Variants in CAMK1D observed in about 807,000 individuals in gnomAD.
CAMK1D encodes calcium/calmodulin-dependent protein kinase type 1D.
In CAMK1D, 9 loss-of-function variants were observed where a neutral mutation model predicts 47.7. The observed-to-expected ratio is 0.19, with a 90% CI of 0.11 to 0.33. CAMK1D has a LOEUF of 0.33. CAMK1D is among the 10% of genes least tolerant of loss of function. CAMK1D has a pLI of 1.00. For synonymous variants in CAMK1D, 184 were observed against 184.9 expected (o/e 0.99, Z 0.04); for missense variants, 291 against 488.7 (o/e 0.60, Z 3.81).
chr10:12,473,657 C>G (rs1213096678), intron 1 of CAMK1D, among the ~76,000 whole-genome samples: 2 of 151,998 alleles, frequency 1.3e-5, no homozygotes, highest in South Asian at 4.1e-4. Context: ...GCTGCAAGCC[C>G]GGGGAGTCTA....
intron 3 of CAMK1D, among the ~76,000 whole-genome samples, chr10:12,713,391 T>G (rs1271964573): frequency 6.6e-6 from 1 of 152,166 alleles, no homozygotes; most frequent in East Asian, 1.9e-4. Flanking sequence ...CTGAGGTTGG[T>G]GAAGTGCAGC....
chr10:12,802,664 C>T (rs1036278680), intron 6 of CAMK1D, among the ~76,000 whole-genome samples: 5 of 152,266 alleles, frequency 3.3e-5, no homozygotes, highest in African/African-American at 1.2e-4. Flanking sequence ...GAGATTACAG[C>T]TGTGTGCCAC....
chr10:12,734,550 G>GTA (rs1204512484), intron 3 of CAMK1D, among the ~76,000 whole-genome samples: 3 of 143,612 alleles, frequency 2.1e-5, no homozygotes, highest in Non-Finnish European at 4.5e-5. Flanking sequence ...ATGTATATAT[G>GTA]TATATATATA....
intron 6 of CAMK1D, among the ~76,000 whole-genome samples, chr10:12,799,572 G>A (rs945007996): frequency 1.3e-5 from 2 of 152,172 alleles, no homozygotes; most frequent in Admixed American, 6.5e-5. Context: ...GGTGCTAATC[G>A]CCTCCAGGTT....
intron 2 of CAMK1D, among the ~76,000 whole-genome samples, chr10:12,659,044 A>G (rs1380804600): frequency 6.6e-6 from 1 of 152,194 alleles, no homozygotes; most frequent in Non-Finnish European, 1.5e-5. Context: ...CGGAAGCTGT[A>G]AGCATTCACC....
At chr10:12,602,367 C>T (rs1284671357) in intron 2 of CAMK1D, among the ~76,000 whole-genome samples, 2 of 152,154 alleles carry the variant, frequency 1.3e-5, no homozygotes, top group African/African-American at 4.8e-5. Flanking sequence ...CACCCGATCC[C>T]CACTCACAGT....
intron 1 of CAMK1D, among the ~76,000 whole-genome samples, chr10:12,492,602 T>A (rs753097583): frequency 9.2e-5 from 14 of 152,294 alleles, no homozygotes; most frequent in Admixed American, 2.6e-4. Flanking sequence ...AAGACCAGCC[T>A]GGGCAACACA....
At chr10:12,407,933 C>T (rs1839504239) in intron 1 of CAMK1D, among the ~76,000 whole-genome samples, 1 of 147,060 alleles carries the variant, frequency 6.8e-6, no homozygotes, top group South Asian at 2.1e-4. Flanking sequence ...TCTTGGCTCA[C>T]TGCAGCCTCC....
At chr10:12,373,224 G>A (rs1223088069) in intron 1 of CAMK1D, among the ~76,000 whole-genome samples, 3 of 151,308 alleles carry the variant, frequency 2.0e-5, no homozygotes, top group Non-Finnish European at 4.4e-5. Context: ...GAGGTGGGAG[G>A]ATCACCTGAG....
At chr10:12,366,944 C>T (rs909593195) in intron 1 of CAMK1D, among the ~76,000 whole-genome samples, 4 of 152,074 alleles carry the variant, frequency 2.6e-5, no homozygotes, top group African/African-American at 4.8e-5. Flanking sequence ...GTCAGTAATT[C>T]GTGTAGCTTG....
chr10:12,432,482 A>G (rs1055211255), intron 1 of CAMK1D, among the ~76,000 whole-genome samples: 8 of 150,090 alleles, frequency 5.3e-5, no homozygotes, highest in African/African-American at 1.9e-4. Context: ...TAAATCAATG[A>G]ATGAGCGAAT....
intron 3 of CAMK1D, among the ~76,000 whole-genome samples, chr10:12,727,352 G>A (rs1564519737): frequency 6.6e-6 from 1 of 152,186 alleles, no homozygotes; most frequent in Non-Finnish European, 1.5e-5. Context: ...AGGCATCACT[G>A]GTCTGTGCTT....
chr10:12,801,395 C>CTATCTATCTATCTATCT (rs1564572319), intron 6 of CAMK1D, among the ~76,000 whole-genome samples: 7 of 70,844 alleles, frequency 9.9e-5, no homozygotes, highest in African/African-American at 3.4e-4. Context: ...TCTATCTATC[C>CTATCTATCTATCTATCT]ATCCATCTGT....
chr10:12,356,395 G>C (rs766154646), intron 1 of CAMK1D, among the ~76,000 whole-genome samples: 8 of 152,190 alleles, frequency 5.3e-5, no homozygotes. Context: ...GTGCTGGGAG[G>C]CTCTGGAAAC....
chr10:12,732,421 G>A (rs927570452), intron 3 of CAMK1D, among the ~76,000 whole-genome samples: 1 of 152,034 alleles, frequency 6.6e-6, no homozygotes, highest in Non-Finnish European at 1.5e-5. Flanking sequence ...CCATTTTCAC[G>A]CTGCTGATAA....
At chr10:12,575,307 G>A (rs1257868057) in intron 2 of CAMK1D, among the ~76,000 whole-genome samples, 1 of 152,084 alleles carries the variant, frequency 6.6e-6, no homozygotes, top group Non-Finnish European at 1.5e-5. Flanking sequence ...TGGCCAGGCT[G>A]ATCTTGAACT....
intron 1 of CAMK1D, among the ~76,000 whole-genome samples, chr10:12,485,392 G>A (rs1834184444): frequency 6.6e-6 from 1 of 152,188 alleles, no homozygotes; most frequent in South Asian, 2.1e-4. Flanking sequence ...TGTCGTGGGG[G>A]AGGGAGTAGA....
intron 1 of CAMK1D, among the ~76,000 whole-genome samples, chr10:12,445,121 T>C (rs548863477): frequency 7.9e-5 from 12 of 152,200 alleles, no homozygotes; most frequent in Non-Finnish European, 1.8e-4. Flanking sequence ...AGCATCTGTT[T>C]TCTCAGTCTT....
chr10:12,573,924 C>T lies in CAMK1D; in HGVS notation c.224+20568C>T, dbSNP rs548643775. 1.8e-3 allele frequency among the ~76,000 whole-genome samples: 256 copies of T among 142,946 alleles called. 1 individual carries two copies. Among genetic ancestry groups the T allele is most frequent in the African/African-American group, 6.1e-3 (240 of 39,066 alleles). 93.8% of individuals were successfully genotyped at this position (142,946 alleles called of 152,430 possible). ...GTCCTGGGCTCAAGTGATCCTCCTG[C>T]CTTGACGTCCCAAGGTGCTGGGATC... On this transcript the variant is annotated intron_variant, in intron 2 of 10. Transcript: ENST00000619168.
Sources: allele counts gnomAD v4.1 joint callset (sites outside exome capture counted in the v4.1 genomes callset), GRCh38; gene constraint gnomAD v4.1.1; transcripts MANE v1.5; gene names NCBI Gene and HGNC (gene_info 2026-07-23, HGNC 2026-07-21).